Variants in GNB4 observed in about 807,000 individuals in gnomAD.
The protein encoded by GNB4 is guanine nucleotide-binding protein subunit beta-4.
Under a neutral mutation model 45.2 loss-of-function variants are expected in GNB4, and 28 were observed. That is an observed-to-expected ratio of 0.62 (90% CI 0.46 to 0.85). GNB4 has a LOEUF of 0.85. Among genes scored for constraint, GNB4 ranks in the 40% least tolerant of loss-of-function variants. The probability of loss-of-function intolerance (pLI) is 0.00; values close to 1 mark genes in which losing one functional copy is unlikely to be tolerated. For missense variants in GNB4, 321 were observed against 425.4 expected, an observed-to-expected ratio of 0.75 and a Z score of 2.16; for synonymous variants, 132 against 143.7, an observed-to-expected ratio of 0.92 and a Z score of 0.58.
the GNB4 span, among the ~76,000 whole-genome samples, chr3:179,519,890 C>G: frequency 4.6e-5 from 7 of 152,292 alleles, no homozygotes; most frequent in African/African-American, 1.7e-4. Flanking sequence ...AGTCTGTTAT[C>G]ACTCGCCTGC....
At chr3:179,475,873 A>G in the GNB4 span, among the ~76,000 whole-genome samples, 2 of 152,218 alleles carry the variant, frequency 1.3e-5, no homozygotes, top group Non-Finnish European at 2.9e-5. Flanking sequence ...TGGCCTAATC[A>G]ACTGTTACTT....
At chr3:179,465,321 T>A in the GNB4 span, 3 of 1,371,842 alleles carry the variant, frequency 2.2e-6, no homozygotes, top group East Asian at 7.0e-5. Flanking sequence ...AATACCATTA[T>A]GGCCGGGCGC....
the GNB4 span, among the ~76,000 whole-genome samples, chr3:179,517,522 G>T: frequency 2.0e-5 from 3 of 152,138 alleles, no homozygotes; most frequent in African/African-American, 7.2e-5. Flanking sequence ...TCCTTTGGGA[G>T]ATCAATCTCC....
chr3:179,448,255 G>A (rs1001376532), intron 1 of GNB4, among the ~76,000 whole-genome samples: 3 of 152,062 alleles, frequency 2.0e-5, no homozygotes, highest in Non-Finnish European at 2.9e-5. Context: ...GTGAGCCACC[G>A]CGCCTGGCCT....
chr3:179,413,310 A>T, intron 8 of GNB4, 102 bp downstream of exon 8: 1 of 856,080 alleles, frequency 1.2e-6, no homozygotes, highest in Non-Finnish European at 1.9e-6. Flanking sequence ...AGAGCACATT[A>T]CTTGTAAGAA....
the GNB4 span, among the ~76,000 whole-genome samples, chr3:179,512,912 C>G: frequency 2.6e-5 from 4 of 151,992 alleles, no homozygotes. Context: ...TTTTTCCAAA[C>G]GTGTTACCAT....
intron 1 of GNB4, among the ~76,000 whole-genome samples, chr3:179,443,003 G>T (rs1234094566): frequency 1.3e-5 from 2 of 151,946 alleles, no homozygotes; most frequent in African/African-American, 4.8e-5. Context: ...ACCAGACTTG[G>T]TTATATATTA....
At chr3:179,429,080 C>G (rs1028623301) in intron 1 of GNB4, among the ~76,000 whole-genome samples, 5 of 152,234 alleles carry the variant, frequency 3.3e-5, no homozygotes, top group African/African-American at 1.2e-4. Flanking sequence ...CCGGGCCCTT[C>G]CTGCACATTC....
At chr3:179,450,561 T>C (rs556907449) in intron 1 of GNB4, among the ~76,000 whole-genome samples, 3 of 152,130 alleles carry the variant, frequency 2.0e-5, no homozygotes, top group Admixed American at 6.5e-5. Flanking sequence ...TTATCCTTTA[T>C]GGAAAGAGAA....
the GNB4 span, among the ~76,000 whole-genome samples, chr3:179,526,606 T>C: frequency 1.3e-5 from 2 of 152,082 alleles, no homozygotes; most frequent in African/African-American, 4.8e-5. Flanking sequence ...ACCTCTCTCC[T>C]GTATGTCTCT....
intron 1 of GNB4, among the ~76,000 whole-genome samples, chr3:179,427,268 C>T (rs914337519): frequency 2.4e-4 from 37 of 152,192 alleles, no homozygotes; most frequent in Admixed American, 1.3e-3. Flanking sequence ...AGACTCAACA[C>T]CATCAGCATG....
At chr3:179,467,763 G>A in the GNB4 span, among the ~76,000 whole-genome samples, 5 of 151,964 alleles carry the variant, frequency 3.3e-5, no homozygotes, top group African/African-American at 9.7e-5. Flanking sequence ...CTTAAGTTTT[G>A]TGAGGAATAG....
At chr3:179,465,161 G>C in the GNB4 span, 1 of 1,276,018 alleles carries the variant, frequency 7.8e-7, no homozygotes, top group African/African-American at 1.5e-5. Context: ...AGCAGTCACT[G>C]ATATGGGAAT....
rs761323779 is a variant in GNB4, at chr3:179,401,187, A to G, written c.*26T>C. The G allele has an allele frequency of 6.7e-7, 1 of 1,487,980 alleles. No individual in the cohort carries two copies. Among genetic ancestry groups the G allele is most frequent in the Admixed American group, 1.7e-5 (1 of 58,542 alleles). 92.2% of individuals were successfully genotyped at this position (1,487,980 alleles called of 1,614,324 possible). Reference sequence around the variant, plus strand: ...AGCATTGATTTCTCCAGATATATCAATGGAGAACAAATATGTATGACACTG... The same window carrying G: ...AGCATTGATTTCTCCAGATATATCAGTGGAGAACAAATATGTATGACACTG... On this transcript the variant is annotated 3_prime_UTR_variant, in exon 10 of 10. Transcript: ENST00000232564.
At chr3:179,435,734 T>C (rs554350083) in intron 1 of GNB4, among the ~76,000 whole-genome samples, 39 of 152,358 alleles carry the variant, frequency 2.6e-4, no homozygotes, top group African/African-American at 7.5e-4. Flanking sequence ...TAAATAACTA[T>C]CACATAGTGA....
At chr3:179,517,490 C>A in the GNB4 span, among the ~76,000 whole-genome samples, 5 of 152,118 alleles carry the variant, frequency 3.3e-5, no homozygotes, top group African/African-American at 9.7e-5. Context: ...AATTTTGGTG[C>A]CGTGACTCGG....
At chr3:179,497,114 G>T in the GNB4 span, among the ~76,000 whole-genome samples, 128 of 152,084 alleles carry the variant, frequency 8.4e-4, 4 homozygotes, top group South Asian at 0.026. Context: ...ATAGTACAAG[G>T]CTACAGTAAT....
chr3:179,468,470 G>A, the GNB4 span, among the ~76,000 whole-genome samples: 30 of 150,960 alleles, frequency 2.0e-4, no homozygotes, highest in African/African-American at 7.3e-4. Flanking sequence ...ACTCCAGACC[G>A]GGCAAGAAGA....
intron 1 of GNB4, among the ~76,000 whole-genome samples, chr3:179,442,935 G>C (rs1490093144): frequency 1.3e-5 from 2 of 152,066 alleles, no homozygotes; most frequent in Admixed American, 6.6e-5. Flanking sequence ...CGGCAGTTTT[G>C]TATCACTTAA....
Sources: allele counts gnomAD v4.1 joint callset (sites outside exome capture counted in the v4.1 genomes callset), GRCh38; gene constraint gnomAD v4.1.1; transcripts MANE v1.5; gene names NCBI Gene and HGNC (gene_info 2026-07-23, HGNC 2026-07-21).